Variants in PARD3B observed in about 807,000 individuals in gnomAD.
The protein encoded by PARD3B is par-3 family cell polarity regulator beta.
In PARD3B, 103 loss-of-function variants were observed where a neutral mutation model predicts 130.2. That is an observed-to-expected ratio of 0.79 (90% CI 0.67 to 0.93). The LOEUF (loss-of-function observed/expected upper bound fraction) is 0.93, where lower values mean the gene tolerates loss of function less well. PARD3B is among the 40% of genes least tolerant of loss of function. The pLI, the probability that PARD3B is intolerant of heterozygous loss-of-function variation, is 0.00. For synonymous variants in PARD3B, 583 were observed against 553.2 expected (o/e 1.05, Z -0.76); for missense variants, 1,609 against 1,499.2 (o/e 1.07, Z -1.21).
chr2:205,331,048 T>C (rs2704644), intron 18 of PARD3B, among the ~76,000 whole-genome samples: 132,999 of 152,130 alleles, frequency 0.87, 58,358 homozygotes, highest in Admixed American at 0.92. Flanking sequence ...ATGTCTGATA[T>C]TGCTTTAGTG....
At position 205,501,182 on chromosome 2, in the gene PARD3B, G is replaced by A. The variant is rs192832167; in HGVS notation, c.3180+1151G>A. 7.0e-3 allele frequency among the ~76,000 whole-genome samples: 1,068 copies of A among 152,262 alleles called. 13 individuals are homozygous for A. The highest frequency in any genetic ancestry group is 0.027 in the Middle Eastern group (8 of 292). On this transcript the variant is annotated intron_variant, in intron 21 of 22. Coordinates refer to ENST00000406610, the MANE Select transcript of PARD3B (RefSeq NM_001302769.2). ...TCCACCACTGTTGGGCAGAGCAACCGGAACTGCTGAGCCCAGAAGATTGCA... is the reference window on the plus strand; with the variant it reads ...TCCACCACTGTTGGGCAGAGCAACCAGAACTGCTGAGCCCAGAAGATTGCA...
intron 2 of PARD3B, among the ~76,000 whole-genome samples, chr2:204,937,970 C>A (rs1688596475): frequency 6.6e-6 from 1 of 152,126 alleles, no homozygotes; most frequent in Admixed American, 6.6e-5. Flanking sequence ...TCGTAAAGAG[C>A]AGAGAACTTC....
chr2:205,133,940 G>C (rs902686174), intron 10 of PARD3B, among the ~76,000 whole-genome samples: 2 of 152,136 alleles, frequency 1.3e-5, no homozygotes, highest in African/African-American at 4.8e-5. Flanking sequence ...TTGGAATATT[G>C]GGTTGTTGGT....
At position 204,641,031 on chromosome 2, in the gene PARD3B, A is replaced by C. The variant is rs898042473; in HGVS notation, c.121-45150A>C. ...ATATGAAAGTATGTATATATTTACTATATTATATGTTATAATAGTATATTA... is the reference window on the plus strand; with the variant it reads ...ATATGAAAGTATGTATATATTTACTCTATTATATGTTATAATAGTATATTA... On this transcript the variant is annotated intron_variant, in intron 1 of 22. Coordinates refer to ENST00000406610, the MANE Select transcript of PARD3B (RefSeq NM_001302769.2). Among the ~76,000 whole-genome samples, 20 of 147,868 alleles carry C rather than the reference A, an allele frequency of 1.4e-4. No homozygotes were observed. In the East Asian group the frequency reaches 3.5e-3, roughly 26 times the overall value.
chr2:204,601,079 A>G (rs2033491975), intron 1 of PARD3B, among the ~76,000 whole-genome samples: 1 of 151,978 alleles, frequency 6.6e-6, no homozygotes, highest in Non-Finnish European at 1.5e-5. Context: ...GTATTTTAAA[A>G]TAATGGAAGT....
intron 21 of PARD3B, among the ~76,000 whole-genome samples, chr2:205,535,597 C>T (rs539044021): frequency 1.3e-5 from 2 of 152,272 alleles, no homozygotes; most frequent in Non-Finnish European, 2.9e-5. Flanking sequence ...TAATGGGTCT[C>T]TTTAAATCAC....
At chr2:204,813,944 G>A (rs1020805504) in intron 2 of PARD3B, among the ~76,000 whole-genome samples, 3 of 151,778 alleles carry the variant, frequency 2.0e-5, no homozygotes, top group African/African-American at 4.8e-5. Flanking sequence ...AATTGTCTTG[G>A]CTATTCTAGG....
chr2:205,498,482 A>G (rs2050029440), intron 20 of PARD3B, among the ~76,000 whole-genome samples: 1 of 152,046 alleles, frequency 6.6e-6, no homozygotes, highest in Admixed American at 6.5e-5. Flanking sequence ...AGCCTGGGCT[A>G]CAGAGCAAGA....
In PARD3B at chr2:204,747,286, G is replaced by A. The variant is rs926919209; in HGVS notation, c.222+61004G>A. 2.6e-5 allele frequency among the ~76,000 whole-genome samples: 4 copies of A among 152,046 alleles called. No homozygotes were observed. In the East Asian group the frequency reaches 7.7e-4, roughly 29 times the overall value. On this transcript the variant is annotated intron_variant, in intron 2 of 22. Coordinates refer to ENST00000406610, the MANE Select transcript of PARD3B (RefSeq NM_001302769.2). ...CAGGTTTGTCAAAGATCAGATGGTTGTAGATGTGTGGTAGAGCCAAATCAT... is the reference window on the plus strand; with the variant it reads ...CAGGTTTGTCAAAGATCAGATGGTTATAGATGTGTGGTAGAGCCAAATCAT...
intron 19 of PARD3B, among the ~76,000 whole-genome samples, chr2:205,414,177 A>G (rs1046121141): frequency 6.6e-6 from 1 of 152,162 alleles, no homozygotes; most frequent in Non-Finnish European, 1.5e-5. Context: ...AGGCAATAGG[A>G]CTAAACTCCA....
intron 16 of PARD3B, among the ~76,000 whole-genome samples, chr2:205,299,306 G>A (rs112768262): frequency 9.9e-4 from 151 of 152,230 alleles, no homozygotes; most frequent in Middle Eastern, 3.4e-3. Context: ...AGATAGTGCC[G>A]TTTATTGAGC....
intron 2 of PARD3B, among the ~76,000 whole-genome samples, chr2:204,944,433 G>A (rs966914623): frequency 3.3e-5 from 5 of 152,156 alleles, no homozygotes; most frequent in Non-Finnish European, 7.3e-5. Context: ...CAAGCTGCAA[G>A]CTGGTAGCTT....
chr2:205,271,426 T>C (rs1469439741), intron 16 of PARD3B, among the ~76,000 whole-genome samples: 6 of 152,364 alleles, frequency 3.9e-5, no homozygotes, highest in East Asian at 1.9e-4. Flanking sequence ...GTGATCATGA[T>C]TGATTGCTCA....
chr2:205,284,580 A>G (rs776609312), intron 16 of PARD3B, among the ~76,000 whole-genome samples: 2 of 152,172 alleles, frequency 1.3e-5, no homozygotes, highest in Non-Finnish European at 2.9e-5. Context: ...GCTCTGACCC[A>G]TTAATGGCGG....
At chr2:205,081,691 T>G (rs1701417699) in intron 4 of PARD3B, among the ~76,000 whole-genome samples, 1 of 152,050 alleles carries the variant, frequency 6.6e-6, no homozygotes, top group South Asian at 2.1e-4. Context: ...ATTAGTGAAT[T>G]TTTGAATGTT....
rs889632050 is a variant in PARD3B, at chr2:205,470,132, TC to T, written c.3044+29461del. ...ACACACAGGGTGGAACTAAGTGATCTCAGCATTTTTTTTCCAGTTCCAAAAT... is the reference window on the plus strand; with the variant it reads ...ACACACAGGGTGGAACTAAGTGATCTAGCATTTTTTTTCCAGTTCCAAAAT... On this transcript the variant is annotated intron_variant, in intron 20 of 22. Coordinates refer to ENST00000406610, the MANE Select transcript of PARD3B (RefSeq NM_001302769.2). This position sits in a 1 kb window ranked among gnomAD's most constrained non-coding sequence, Gnocchi z 4.8. 1.3e-5 allele frequency among the ~76,000 whole-genome samples: 2 copies of T among 152,218 alleles called. No homozygotes were observed. Among genetic ancestry groups the T allele is most frequent in the African/African-American group, 4.8e-5 (2 of 41,444 alleles).
At chr2:204,877,947 A>G (rs1351906111) in intron 2 of PARD3B, among the ~76,000 whole-genome samples, 3 of 152,226 alleles carry the variant, frequency 2.0e-5, no homozygotes, top group African/African-American at 4.8e-5. Context: ...GACTGAACCT[A>G]TTAAATTAGT....
At chr2:205,057,029 T>C (rs1319881430) in intron 4 of PARD3B, among the ~76,000 whole-genome samples, 2 of 151,636 alleles carry the variant, frequency 1.3e-5, no homozygotes, top group East Asian at 1.9e-4. Context: ...CTGTCAAAAG[T>C]TTCTAAATGT....
intron 21 of PARD3B, among the ~76,000 whole-genome samples, chr2:205,520,382 G>A (rs1048913161): frequency 1.6e-4 from 24 of 152,098 alleles, no homozygotes; most frequent in Admixed American, 1.4e-3. Context: ...TGGGTTCTTT[G>A]CTCCTTCATC....
Sources: gnomAD v4.1 joint callset for allele counts (sites outside exome capture counted in the v4.1 genomes callset) on GRCh38, gnomAD v4.1.1 for gene constraint, Gnocchi (gnomAD v3.1) non-coding constraint, MANE v1.5 for transcripts, NCBI Gene and HGNC (gene_info 2026-07-23, HGNC 2026-07-21) for gene names.